SFMBT1: variants seen among roughly 807,000 people sequenced by gnomAD.
The protein encoded by SFMBT1 is scm-like with four MBT domains protein 1.
A neutral mutation model predicts 108.7 loss-of-function variants in SFMBT1; 32 were observed. The ratio of observed to expected loss-of-function variants is 0.29; its 90% CI spans 0.22 to 0.40. SFMBT1 has a LOEUF of 0.40. SFMBT1 is among the 10% of genes least tolerant of loss of function. SFMBT1 has a pLI of 1.00. For synonymous variants in SFMBT1, 348 were observed against 369.5 expected (o/e 0.94, Z 0.67); for missense variants, 816 against 1,059.6 (o/e 0.77, Z 3.19).
At chr3:53,005,075 T>A (rs917283549) in intron 1 of SFMBT1, among the ~76,000 whole-genome samples, 1 of 152,206 alleles carries the variant, frequency 6.6e-6, no homozygotes, top group African/African-American at 2.4e-5. Flanking sequence ...TCTTGGGAGC[T>A]GGTCTGAATG....
intron 1 of SFMBT1, among the ~76,000 whole-genome samples, chr3:52,983,654 G>A (rs1704803057): frequency 6.6e-6 from 1 of 152,224 alleles, no homozygotes; most frequent in Non-Finnish European, 1.5e-5. Flanking sequence ...AGTGAGCCAT[G>A]TGGGTACGTG....
chr3:52,907,748 C>A lies in SFMBT1; in HGVS notation c.1907-15G>T. 1 of 1,571,608 alleles carries A rather than the reference C, an allele frequency of 6.4e-7. No individual in the cohort carries two copies. Among genetic ancestry groups the A allele is most frequent in the Non-Finnish European group, 8.6e-7 (1 of 1,163,760 alleles). The stretch of plus-strand genomic sequence containing the variant: ...GTAATAGTGTGCTAAATGTGGATGA[C>A]AAAGAAAAATGAAGTAGCTTCATTA... On this transcript the variant is annotated splice_polypyrimidine_tract_variant and intron_variant, in intron 17 of 20. Transcript: ENST00000394752.
chr3:53,029,559 G>A (rs186911467), intron 1 of SFMBT1, among the ~76,000 whole-genome samples: 31 of 152,292 alleles, frequency 2.0e-4, no homozygotes, highest in African/African-American at 7.0e-4. Flanking sequence ...ATGTACAAAA[G>A]AATACCACCC....
chr3:52,921,603 T>G lies in SFMBT1; in HGVS notation c.1258+102A>C, dbSNP rs568066291. The G allele has an allele frequency of 3.1e-5, 40 of 1,285,456 alleles. No individual in the cohort carries two copies. The African/African-American group carries it at 4.5e-4, about 14-fold the overall frequency. 79.6% of individuals were successfully genotyped at this position (1,285,456 alleles called of 1,614,324 possible). On this transcript the variant is annotated intron_variant, in intron 11 of 20. Coordinates refer to ENST00000394752, the MANE Select transcript of SFMBT1 (RefSeq NM_016329.4). ...TACAAAAGTCTCTGAACAAGATCCC[T>G]ATTTAACTAATCCATTAAGTTTAAC...
At chr3:52,982,771 A>C (rs1465158659) in intron 1 of SFMBT1, among the ~76,000 whole-genome samples, 2 of 147,640 alleles carry the variant, frequency 1.4e-5, no homozygotes, top group Non-Finnish European at 3.0e-5. Context: ...ATCGTGGAGA[A>C]ATTCAAGAGC....
chr3:53,011,503 G>A (rs1349458115), intron 1 of SFMBT1, among the ~76,000 whole-genome samples: 2 of 152,188 alleles, frequency 1.3e-5, no homozygotes, highest in African/African-American at 4.8e-5. Context: ...CATATACTCA[G>A]TTAAAGGGCA....
At chr3:52,951,879 T>C (rs936446146) in intron 3 of SFMBT1, among the ~76,000 whole-genome samples, 1 of 152,226 alleles carries the variant, frequency 6.6e-6, no homozygotes, top group Admixed American at 6.5e-5. Context: ...AGAGATTTTA[T>C]TTATGGCCAG....
In SFMBT1 at chr3:52,968,102, C is replaced by G. The variant is rs947436186; in HGVS notation, c.28+999G>C. Among the ~76,000 whole-genome samples, 3 of 152,302 alleles carry G rather than the reference C, an allele frequency of 2.0e-5. No homozygotes were observed. The East Asian group carries it at 5.8e-4, about 29-fold the overall frequency. ...CTGCAGTACATTCATGACTGCTCCT[C>G]CACAATAAAAAGGAACAAACTGTCA... On this transcript the variant is annotated intron_variant, in intron 2 of 20. Transcript: ENST00000394752.
intron 1 of SFMBT1, among the ~76,000 whole-genome samples, chr3:52,978,859 G>A (rs1372302809): frequency 1.3e-5 from 2 of 152,070 alleles, no homozygotes; most frequent in Non-Finnish European, 2.9e-5. Flanking sequence ...GACACTAAAG[G>A]CCACATATTA....
intron 1 of SFMBT1, among the ~76,000 whole-genome samples, chr3:53,015,567 G>A (rs1699098053): frequency 6.6e-6 from 1 of 152,128 alleles, no homozygotes; most frequent in Non-Finnish European, 1.5e-5. Flanking sequence ...TAAATAAGAT[G>A]TGACATAGCC....
At chr3:52,980,194 A>C (rs1419346520) in intron 1 of SFMBT1, among the ~76,000 whole-genome samples, 4 of 152,200 alleles carry the variant, frequency 2.6e-5, no homozygotes, top group Admixed American at 2.6e-4. Context: ...TGAGAAATGT[A>C]AACAAACCTA....
chr3:52,916,698 ACAACAAC>A lies in SFMBT1; in HGVS notation c.1416-491_1416-485del, dbSNP rs1559509426. Among the ~76,000 whole-genome samples, 7 of 150,794 alleles carry A rather than the reference ACAACAAC, an allele frequency of 4.6e-5. No homozygotes were observed. In the East Asian group the frequency reaches 1.2e-3, roughly 26 times the overall value. On this transcript the variant is annotated intron_variant, in intron 13 of 20. Transcript: ENST00000394752. ...AAACCAAACAACAACAACAACAACAACAACAACAAAAAACTACAACAACAAAAAAGAA... is the reference window on the plus strand; with the variant it reads ...AAACCAAACAACAACAACAACAACAAAAAAAACTACAACAACAAAAAAGAA...
chr3:53,003,648 G>C (rs960065326), intron 1 of SFMBT1, among the ~76,000 whole-genome samples: 2 of 148,434 alleles, frequency 1.3e-5, no homozygotes, highest in South Asian at 2.2e-4. Flanking sequence ...ATCATAATTA[G>C]TTGTTGTAAA....
chr3:52,936,079 C>A (rs1045901603), intron 4 of SFMBT1, among the ~76,000 whole-genome samples: 1 of 152,150 alleles, frequency 6.6e-6, no homozygotes, highest in Non-Finnish European at 1.5e-5. Flanking sequence ...AAGTTATACC[C>A]TTCCCTCAAG....
chr3:53,038,883 A>G (rs1171442654), intron 1 of SFMBT1, among the ~76,000 whole-genome samples: 1 of 152,200 alleles, frequency 6.6e-6, no homozygotes, highest in Non-Finnish European at 1.5e-5. Context: ...AGATAGGTGA[A>G]GGCTTATTTA....
At chr3:52,970,047 G>A (rs2106860868) in intron 1 of SFMBT1, among the ~76,000 whole-genome samples, 1 of 151,576 alleles carries the variant, frequency 6.6e-6, no homozygotes, top group East Asian at 1.9e-4. Context: ...AGGTTGCAGA[G>A]CCAAGATCGC....
intron 8 of SFMBT1, among the ~76,000 whole-genome samples, chr3:52,930,075 C>T (rs939876020): frequency 4.6e-5 from 7 of 152,136 alleles, no homozygotes; most frequent in Non-Finnish European, 7.4e-5. Context: ...GCTAGGCCTG[C>T]CCCAAAGAAT....
chr3:52,993,586 T>G (rs1409400239), intron 1 of SFMBT1, among the ~76,000 whole-genome samples: 1 of 149,980 alleles, frequency 6.7e-6, no homozygotes, highest in Non-Finnish European at 1.5e-5. Flanking sequence ...GCTAAGCATC[T>G]GCTACATATA....
intron 1 of SFMBT1, among the ~76,000 whole-genome samples, chr3:53,022,094 G>A (rs1489741260): frequency 6.6e-6 from 1 of 152,168 alleles, no homozygotes; most frequent in Non-Finnish European, 1.5e-5. Context: ...TCACTTACTA[G>A]GTGAAACAAA....
Sources: allele counts gnomAD v4.1 joint callset (sites outside exome capture counted in the v4.1 genomes callset), GRCh38; gene constraint gnomAD v4.1.1; transcripts MANE v1.5; gene names NCBI Gene and HGNC (gene_info 2026-07-23, HGNC 2026-07-21).